The following B3GALNT1 variants were observed in gnomAD, a reference collection of about 807,000 sequenced individuals.
The protein encoded by B3GALNT1 is beta-1,3-N-acetylgalactosaminyltransferase 1 (Globoside blood group).
A neutral mutation model predicts 27.3 loss-of-function variants in B3GALNT1; 17 were observed. The observed-to-expected ratio is 0.62, with a 90% CI of 0.43 to 0.94. B3GALNT1 has a LOEUF of 0.94. Among genes scored for constraint, B3GALNT1 ranks in the 40% least tolerant of loss-of-function variants. The pLI, the probability that B3GALNT1 is intolerant of heterozygous loss-of-function variation, is 0.00. For synonymous variants in B3GALNT1, 141 were observed against 144.0 expected, an observed-to-expected ratio of 0.98 and a Z score of 0.15; for missense variants, 347 against 390.0, an observed-to-expected ratio of 0.89 and a Z score of 0.93.
At chr3:161,089,552 T>C (rs1392902836) in intron 4 of B3GALNT1, among the ~76,000 whole-genome samples, 1 of 152,238 alleles carries the variant, frequency 6.6e-6, no homozygotes, top group Non-Finnish European at 1.5e-5. Context: ...CATTAACCTT[T>C]ACATTGATCA....
At chr3:161,093,591 A>G (rs1437223524) in intron 4 of B3GALNT1, among the ~76,000 whole-genome samples, 1 of 152,236 alleles carries the variant, frequency 6.6e-6, no homozygotes, top group Admixed American at 6.5e-5. Flanking sequence ...ATAGAAAACA[A>G]TATGAAAAGC....
intron 4 of B3GALNT1, among the ~76,000 whole-genome samples, chr3:161,097,390 G>GCTAA (rs1728770177): frequency 6.6e-6 from 1 of 152,072 alleles, no homozygotes; most frequent in Non-Finnish European, 1.5e-5. Context: ...TACAAACCTT[G>GCTAA]CTCCTAACTC....
At chr3:161,098,531 G>T (rs1035580890) in intron 4 of B3GALNT1, among the ~76,000 whole-genome samples, 1 of 152,184 alleles carries the variant, frequency 6.6e-6, no homozygotes, top group Non-Finnish European at 1.5e-5. Context: ...CTGGCAACAT[G>T]GTGAAACCTC....
Position 161,084,600 on chromosome 3 carries a change from C to A in B3GALNT1, c.*1159G>T, listed in dbSNP as rs1559956449. ...AGGTCCAACAAATGATATATCACCA[C>A]GTCTATGAAGAAATTTCTTTCTATA... On this transcript the variant is annotated 3_prime_UTR_variant, in exon 5 of 5. Transcript: ENST00000320474. The A allele has an allele frequency of 6.6e-6, 1 of 152,114 alleles. No homozygotes were observed. The highest frequency in any genetic ancestry group is 1.5e-5 in the Non-Finnish European group (1 of 67,996). The allele number at this position is 152,114 out of a possible 1,614,324, so 9.4% of individuals were successfully genotyped here.
At chr3:161,091,973 T>C (rs1410599180) in intron 4 of B3GALNT1, among the ~76,000 whole-genome samples, 2 of 152,258 alleles carry the variant, frequency 1.3e-5, no homozygotes, top group African/African-American at 4.8e-5. Context: ...CCACGAAGAT[T>C]ACTTTTTAGT....
chr3:161,092,515 G>C (rs899453829), intron 4 of B3GALNT1, among the ~76,000 whole-genome samples: 3 of 151,906 alleles, frequency 2.0e-5, no homozygotes, highest in Non-Finnish European at 4.4e-5. Context: ...GTGGTTAAAG[G>C]GGGAAAAAAA....
chr3:161,102,696 C>T (rs1013070661), intron 3 of B3GALNT1, among the ~76,000 whole-genome samples: 1 of 152,218 alleles, frequency 6.6e-6, no homozygotes, highest in Non-Finnish European at 1.5e-5. Context: ...TTTGATCCCA[C>T]GTGCTTGACC....
intron 4 of B3GALNT1, among the ~76,000 whole-genome samples, chr3:161,091,222 T>C (rs944680352): frequency 6.6e-6 from 1 of 152,180 alleles, no homozygotes; most frequent in African/African-American, 2.4e-5. Context: ...TGAGCTGTGA[T>C]TGTGCCACTG....
At chr3:161,091,922 G>A (rs893698182) in intron 4 of B3GALNT1, among the ~76,000 whole-genome samples, 1 of 152,172 alleles carries the variant, frequency 6.6e-6, no homozygotes, top group Non-Finnish European at 1.5e-5. Flanking sequence ...TAAATAAAAG[G>A]TTGATGGACA....
chr3:161,100,313 C>T (rs1351336364), intron 4 of B3GALNT1, among the ~76,000 whole-genome samples: 3 of 152,110 alleles, frequency 2.0e-5, no homozygotes, highest in African/African-American at 7.2e-5. Flanking sequence ...CCTCGAGCAC[C>T]ACTCTCTGTA....
At chr3:161,100,273 A>G (rs1730518217) in intron 4 of B3GALNT1, among the ~76,000 whole-genome samples, 1 of 152,196 alleles carries the variant, frequency 6.6e-6, no homozygotes, top group African/African-American at 2.4e-5. Flanking sequence ...ATGAATTTGA[A>G]GTATTTACTG....
intron 1 of B3GALNT1, 199 bp downstream of exon 1, chr3:161,105,036 A>AGACCCAC (rs1393223351): frequency 6.6e-6 from 1 of 151,948 alleles, no homozygotes; most frequent in Non-Finnish European, 1.5e-5. Flanking sequence ...CCGAGACCCG[A>AGACCCAC]GACCCACGGT....
intron 4 of B3GALNT1, among the ~76,000 whole-genome samples, chr3:161,092,419 G>A (rs1253136269): frequency 2.0e-5 from 3 of 152,004 alleles, no homozygotes; most frequent in African/African-American, 7.3e-5. Flanking sequence ...ACCTTTAGAA[G>A]CAACTACGTA....
rs2108508442 is a variant in B3GALNT1 at position 161,104,367 on chromosome 3, G to A, written c.-269C>T. On this transcript the variant is annotated 5_prime_UTR_variant, in exon 2 of 5. Coordinates refer to ENST00000320474, the MANE Select transcript of B3GALNT1 (RefSeq NM_003781.4). ...TGGTTTGGCAATTTCTTCCTTGATAGCTTTTCCCACAACGCAGCCACCTCC... is the reference window on the plus strand; with the variant it reads ...TGGTTTGGCAATTTCTTCCTTGATAACTTTTCCCACAACGCAGCCACCTCC... 1 of 1,289,432 alleles carries A rather than the reference G, an allele frequency of 7.8e-7. No homozygotes were observed. Among genetic ancestry groups the A allele is most frequent in the African/African-American group, 1.5e-5 (1 of 65,930 alleles). The allele number at this position is 1,289,432 out of a possible 1,614,324, so 79.9% of individuals were successfully genotyped here. A position where few individuals can be genotyped will look rare whatever the true frequency, so the allele number is the denominator to read the frequency against.
intron 4 of B3GALNT1, among the ~76,000 whole-genome samples, chr3:161,096,830 T>A (rs1325569254): frequency 1.3e-5 from 2 of 152,222 alleles, no homozygotes; most frequent in Non-Finnish European, 2.9e-5. Flanking sequence ...CGGCACATTA[T>A]AATCTCCTGG....
intron 4 of B3GALNT1, among the ~76,000 whole-genome samples, chr3:161,094,741 C>T (rs547448168): frequency 6.6e-6 from 1 of 152,042 alleles, no homozygotes; most frequent in African/African-American, 2.4e-5. Flanking sequence ...ACAGCAGTGG[C>T]CATTCACAGG....
At chr3:161,096,981 C>T (rs1728528998) in intron 4 of B3GALNT1, among the ~76,000 whole-genome samples, 1 of 152,158 alleles carries the variant, frequency 6.6e-6, no homozygotes, top group Non-Finnish European at 1.5e-5. Context: ...TTTTAAAGCT[C>T]CCAGGTGATT....
At position 161,084,690 on chromosome 3, in the gene B3GALNT1, A is replaced by T. The variant is rs574509835; in HGVS notation, c.*1069T>A. Reference sequence around the variant, plus strand: ...GGGCTTTCATCTTGATGAGAAACTCATAACAGCAGCAGCTCAAACTGATTG... The same window carrying T: ...GGGCTTTCATCTTGATGAGAAACTCTTAACAGCAGCAGCTCAAACTGATTG... On this transcript the variant is annotated 3_prime_UTR_variant, in exon 5 of 5. Transcript: ENST00000320474. The T allele has an allele frequency of 1.8e-4, 28 of 152,334 alleles. No individual in the cohort carries two copies. Among genetic ancestry groups the T allele is most frequent in the Non-Finnish European group, 3.4e-4 (23 of 68,002 alleles). 9.4% of individuals were successfully genotyped at this position (152,334 alleles called of 1,614,324 possible).
At chr3:161,091,767 A>G (rs918846737) in intron 4 of B3GALNT1, among the ~76,000 whole-genome samples, 3 of 152,206 alleles carry the variant, frequency 2.0e-5, no homozygotes, top group African/African-American at 7.2e-5. Flanking sequence ...TCATGGTTTC[A>G]GGCATGTTTG....
Sources: allele counts gnomAD v4.1 joint callset (sites outside exome capture counted in the v4.1 genomes callset), GRCh38; gene constraint gnomAD v4.1.1; transcripts MANE v1.5; gene names NCBI Gene and HGNC (gene_info 2026-07-23, HGNC 2026-07-21).